Variants in LRP1B observed in about 807,000 individuals in gnomAD.
LRP1B encodes the protein LDL receptor related protein 1B.
LRP1B carries 217 observed loss-of-function variants against 556.6 expected under a neutral mutation model. That is an observed-to-expected ratio of 0.39 (90% CI 0.35 to 0.44). The LOEUF (loss-of-function observed/expected upper bound fraction) is 0.44, where lower values mean the gene tolerates loss of function less well. LRP1B is among the 20% of genes least tolerant of loss of function. The pLI is 1.00. For synonymous variants in LRP1B, 2,047 were observed against 1,865.8 expected (o/e 1.10, Z -2.50); for missense variants, 5,053 against 5,620.8 (o/e 0.90, Z 3.23).
chr2:140,870,446 C>G (rs574610565), intron 25 of LRP1B, among the ~76,000 whole-genome samples: 1 of 152,164 alleles, frequency 6.6e-6, no homozygotes, highest in Non-Finnish European at 1.5e-5. Flanking sequence ...CCTCAACCAT[C>G]TGGTCCTCTG....
intron 1 of LRP1B, among the ~76,000 whole-genome samples, chr2:142,015,914 C>G (rs1360319540): frequency 7.3e-6 from 1 of 136,944 alleles, no homozygotes; most frequent in African/African-American, 2.7e-5. Flanking sequence ...ATGGCGATAG[C>G]CCGGGAGTCG....
intron 2 of LRP1B, among the ~76,000 whole-genome samples, chr2:141,666,243 T>C (rs1010242265): frequency 6.6e-6 from 1 of 152,194 alleles, no homozygotes; most frequent in Non-Finnish European, 1.5e-5. Flanking sequence ...GACAAGCTCA[T>C]TGTAGGCAAC....
chr2:141,888,437 C>T (rs1386014849), intron 1 of LRP1B, among the ~76,000 whole-genome samples: 1 of 152,166 alleles, frequency 6.6e-6, no homozygotes, highest in Non-Finnish European at 1.5e-5. Flanking sequence ...CAGTTTTCAA[C>T]TCCATCTGCT....
intron 2 of LRP1B, among the ~76,000 whole-genome samples, chr2:141,616,819 T>C (rs1012820212): frequency 2.0e-5 from 3 of 152,216 alleles, no homozygotes; most frequent in South Asian, 2.1e-4. Context: ...AATCACTCTT[T>C]ACTGTTTTTC....
At chr2:142,042,960 T>TGATA (rs3041464) in intron 1 of LRP1B, among the ~76,000 whole-genome samples, 64,955 of 150,986 alleles carry the variant, frequency 0.43, 15,838 homozygotes, top group East Asian at 0.69. Context: ...TGATTTAAAT[T>TGATA]GATACATTTA....
At chr2:140,639,305 T>C (rs1269180728) in intron 41 of LRP1B, among the ~76,000 whole-genome samples, 1 of 152,232 alleles carries the variant, frequency 6.6e-6, no homozygotes, top group Non-Finnish European at 1.5e-5. Context: ...ATCTTTCATC[T>C]TGAATTTTTT....
intron 86 of LRP1B, chr2:140,269,526 A>T (rs1043845804): frequency 2.7e-6 from 1 of 373,328 alleles, no homozygotes; most frequent in Non-Finnish European, 5.3e-6. Flanking sequence ...CACACTCATC[A>T]CATGCTACTC....
intron 41 of LRP1B, among the ~76,000 whole-genome samples, chr2:140,629,452 A>G (rs922178444): frequency 2.6e-5 from 4 of 152,136 alleles, no homozygotes; most frequent in Admixed American, 6.6e-5. Context: ...CTAGGAATTT[A>G]TACTACAGTA....
intron 7 of LRP1B, among the ~76,000 whole-genome samples, chr2:141,115,592 G>A (rs1384353573): frequency 6.6e-6 from 1 of 151,172 alleles, no homozygotes; most frequent in Admixed American, 6.6e-5. Flanking sequence ...GAGTAGCTGG[G>A]ACTACAGGCT....
At chr2:141,192,874 T>C (rs993694525) in intron 6 of LRP1B, among the ~76,000 whole-genome samples, 8 of 152,052 alleles carry the variant, frequency 5.3e-5, no homozygotes, top group African/African-American at 1.9e-4. Context: ...AACTTGTTAT[T>C]TGTTAGATTT....
chr2:141,970,700 C>G (rs941702160), intron 1 of LRP1B, among the ~76,000 whole-genome samples: 1 of 151,504 alleles, frequency 6.6e-6, no homozygotes, highest in African/African-American at 2.4e-5. Flanking sequence ...TTCTAGGTTA[C>G]AGGGTCCTCT....
chr2:140,238,444 C>T, intron 88 of LRP1B, 148 bp from the exon 89 acceptor site: 1 of 459,698 alleles, frequency 2.2e-6, no homozygotes, highest in East Asian at 3.4e-5. Context: ...AAAAGTAGTA[C>T]ATTGATAGGC....
In LRP1B at chr2:140,279,854, G is replaced by A. The variant is rs184081864; in HGVS notation, c.12968-5256C>T. On this transcript the variant is annotated intron_variant, in intron 84 of 90. Coordinates refer to ENST00000389484, the MANE Select transcript of LRP1B (RefSeq NM_018557.3). ...CACTAAAAATATTAATGATCCCATC[G>A]AGGTGACTACTTTAAGCACCAAAAA... 8.6e-5 allele frequency among the ~76,000 whole-genome samples: 13 copies of A among 151,788 alleles called. No individual in the cohort carries two copies. In the East Asian group the frequency reaches 1.8e-3, roughly 21 times the overall value.
intron 1 of LRP1B, among the ~76,000 whole-genome samples, chr2:142,089,115 C>A (rs1324345954): frequency 6.6e-6 from 1 of 151,906 alleles, no homozygotes; most frequent in Non-Finnish European, 1.5e-5. Context: ...ATAAGCAAAG[C>A]AGATAAAAGC....
intron 37 of LRP1B, among the ~76,000 whole-genome samples, chr2:140,710,501 A>C (rs993413713): frequency 6.6e-6 from 1 of 152,024 alleles, no homozygotes; most frequent in East Asian, 1.9e-4. Flanking sequence ...TATTTATTAT[A>C]TTTTTATATT....
chr2:141,712,692 G>A (rs182066106), intron 2 of LRP1B, among the ~76,000 whole-genome samples: 12 of 151,820 alleles, frequency 7.9e-5, no homozygotes, highest in South Asian at 4.2e-4. Context: ...GTTTTGAGAC[G>A]GAGTTTCACT....
At chr2:141,540,277 C>A (rs1019424097) in intron 2 of LRP1B, among the ~76,000 whole-genome samples, 1 of 149,632 alleles carries the variant, frequency 6.7e-6, no homozygotes, top group Non-Finnish European at 1.5e-5. Flanking sequence ...AGGGAGTATG[C>A]AAGTCATTTT....
At chr2:140,567,992 C>T (rs979468561) in intron 43 of LRP1B, among the ~76,000 whole-genome samples, 4 of 152,088 alleles carry the variant, frequency 2.6e-5, no homozygotes, top group East Asian at 1.9e-4. Flanking sequence ...TTCTCTGTAA[C>T]GCCCACACCA....
At chr2:141,481,478 C>T (rs762096039) in intron 2 of LRP1B, among the ~76,000 whole-genome samples, 4 of 152,174 alleles carry the variant, frequency 2.6e-5, no homozygotes, top group East Asian at 3.9e-4. Context: ...TTCTATAGTC[C>T]GACACACTTA....
Sources: gnomAD v4.1 joint callset for allele counts (sites outside exome capture counted in the v4.1 genomes callset) on GRCh38, gnomAD v4.1.1 for gene constraint, MANE v1.5 for transcripts, NCBI Gene and HGNC (gene_info 2026-07-23, HGNC 2026-07-21) for gene names.